Variants in DMD observed in about 807,000 individuals in gnomAD.
DMD encodes the protein mutant dystrophin.
DMD carries 63 observed loss-of-function variants against 330.1 expected under a neutral mutation model. The ratio of observed to expected loss-of-function variants is 0.19; its 90% CI spans 0.16 to 0.24. The LOEUF is 0.24. Among genes scored for constraint, DMD ranks in the 10% least tolerant of loss-of-function variants. The probability of loss-of-function intolerance (pLI) is 1.00; values close to 1 mark genes in which losing one functional copy is unlikely to be tolerated. For missense variants in DMD, 3,344 were observed against 2,684.1 expected (o/e 1.25, Z -5.43); for synonymous variants, 1,223 against 959.8 (o/e 1.27, Z -5.07).
chrX:32,668,158 A>C (rs183930909), intron 9 of DMD, among the ~76,000 whole-genome samples: 1,156 of 111,188 alleles, frequency 0.01, 14 homozygotes, highest in African/African-American at 0.037. Context: ...GGGAAAAAAA[A>C]AAAAGTACAC....
At chrX:32,647,221 T>C (rs910572790) in intron 9 of DMD, among the ~76,000 whole-genome samples, 2 of 111,575 alleles carry the variant, frequency 1.8e-5, no homozygotes, top group Admixed American at 9.5e-5. Context: ...AGAAGTGAAG[T>C]CCTATGTGCA....
rs1214655002 is a variant in DMD, at chrX:32,484,928, G to C, written c.2794C>G (p.Leu932Val). 1 of 1,210,974 alleles carries C rather than the reference G, an allele frequency of 8.3e-7. No individual in the cohort carries two copies. The highest frequency in any genetic ancestry group is 1.1e-6 in the Non-Finnish European group (1 of 895,056). The change falls in exon 21 of 79, where the codon CTA becomes GTA. Residue 932 changes from leucine (L) to valine (V), a missense_variant. By Grantham distance (32) the Leu-to-Val change is conservative (BLOSUM62 1). Transcript: ENST00000357033. ...TAGGCTTTTTACTTACTTGTCTGTA[G>C]CTCTTTCTCTCTGGCCTGCACATCA... The part of the protein sequence containing the change: ...FSDVQAREKE[L>V]QTIFDTLPPM...
intron 27 of DMD, among the ~76,000 whole-genome samples, chrX:32,443,152 G>A (rs1234379006): frequency 1.8e-5 from 2 of 110,475 alleles, no homozygotes; most frequent in African/African-American, 6.6e-5. Flanking sequence ...ACTACCACCT[G>A]CCCCCGCCTC....
intron 51 of DMD, among the ~76,000 whole-genome samples, chrX:31,763,291 C>T (rs1253722904): frequency 1.8e-5 from 2 of 112,564 alleles, no homozygotes; most frequent in East Asian, 2.8e-4. Flanking sequence ...CAGCCGGGCA[C>T]GGTGGCTCAC....
intron 54 of DMD, among the ~76,000 whole-genome samples, chrX:31,628,475 GAAACTATCATTTTGTGC>G (rs2078967460): frequency 9.0e-6 from 1 of 111,633 alleles, no homozygotes; most frequent in Non-Finnish European, 1.9e-5. Context: ...ACATTTCATA[GAAACTATCATTTTGTGC>G]AAACTATCAT....
chrX:32,999,595 G>C (rs1410506122), intron 2 of DMD, among the ~76,000 whole-genome samples: 2 of 110,638 alleles, frequency 1.8e-5, no homozygotes, highest in Non-Finnish European at 3.8e-5. Context: ...GGCTAACATG[G>C]TGAAACCCCG....
At chrX:32,856,275 A>C (rs1954559559) in intron 2 of DMD, among the ~76,000 whole-genome samples, 1 of 111,970 alleles carries the variant, frequency 8.9e-6, no homozygotes, top group Non-Finnish European at 1.9e-5. Flanking sequence ...CTGAAAACAG[A>C]ACTACCATAT....
At chrX:33,251,833 AT>A (rs2052777460) in intron 1 of DMD, among the ~76,000 whole-genome samples, 1 of 112,145 alleles carries the variant, frequency 8.9e-6, no homozygotes, top group African/African-American at 3.2e-5. Flanking sequence ...AGTGAAATAA[AT>A]AAATAAGGAA....
chrX:32,759,661 CTTA>C (rs1302306929), intron 7 of DMD, among the ~76,000 whole-genome samples: 1 of 111,748 alleles, frequency 8.9e-6, no homozygotes, highest in Non-Finnish European at 1.9e-5. Context: ...TAGCAATTTT[CTTA>C]TTATTTTATA....
intron 60 of DMD, among the ~76,000 whole-genome samples, chrX:31,437,343 T>C (rs770934520): frequency 9.0e-6 from 1 of 111,710 alleles, no homozygotes; most frequent in East Asian, 2.8e-4. Context: ...CTATCATCTG[T>C]AGTTTGGGAA....
At chrX:31,566,420 G>GT (rs2075466086) in intron 55 of DMD, among the ~76,000 whole-genome samples, 2 of 111,534 alleles carry the variant, frequency 1.8e-5, no homozygotes, top group Middle Eastern at 4.6e-3. Context: ...GCATGGGTCT[G>GT]TTTTTGGGTT....
chrX:31,753,664 G>C (rs775782246), intron 51 of DMD, among the ~76,000 whole-genome samples: 1 of 111,512 alleles, frequency 9.0e-6, no homozygotes, highest in Non-Finnish European at 1.9e-5. Context: ...TATTCTTTCT[G>C]ATGATTCTGA....
At chrX:32,381,326 T>C (rs1443411267) in intron 33 of DMD, among the ~76,000 whole-genome samples, 1 of 111,376 alleles carries the variant, frequency 9.0e-6, no homozygotes, top group East Asian at 2.8e-4. Context: ...GAAAAACTAA[T>C]TACTTGATCC....
chrX:31,545,660 C>T lies in DMD; in HGVS notation c.8218-38207G>A, dbSNP rs191535155. Among the ~76,000 whole-genome samples the T allele has an allele frequency of 5.3e-3, 592 of 111,992 alleles. 6 individuals carry two copies. Among genetic ancestry groups the T allele is most frequent in the African/African-American group, 0.018 (558 of 30,863 alleles). The stretch of plus-strand genomic sequence containing the variant: ...GTGATTTCTAACAAGGATTTGTCAG[C>T]CTTTGACTGCTCTGGACTTTACCAG... On this transcript the variant is annotated intron_variant, in intron 55 of 78. Coordinates refer to ENST00000357033, the MANE Select transcript of DMD (RefSeq NM_004006.3).
At chrX:31,414,818 GCA>G (rs377360103) in intron 60 of DMD, among the ~76,000 whole-genome samples, 1 of 111,037 alleles carries the variant, frequency 9.0e-6, no homozygotes, top group African/African-American at 3.3e-5. Flanking sequence ...AAGCAGGCAT[GCA>G]CACACACACA....
intron 41 of DMD, among the ~76,000 whole-genome samples, chrX:32,334,229 G>C (rs919931326): frequency 5.4e-5 from 6 of 111,533 alleles, no homozygotes; most frequent in African/African-American, 1.6e-4. Context: ...GCTGAGAGGA[G>C]AAAAATTCTA....
At chrX:31,601,587 T>C (rs2077370756) in intron 55 of DMD, among the ~76,000 whole-genome samples, 1 of 111,553 alleles carries the variant, frequency 9.0e-6, no homozygotes, top group Non-Finnish European at 1.9e-5. Context: ...ACATTACAAA[T>C]CTCCTTTGTC....
intron 55 of DMD, among the ~76,000 whole-genome samples, chrX:31,566,944 T>C (rs747879613): frequency 9.0e-6 from 1 of 111,687 alleles, no homozygotes; most frequent in Non-Finnish European, 1.9e-5. Context: ...GCTTGCCTTA[T>C]GATTTTTTGA....
intron 1 of DMD, among the ~76,000 whole-genome samples, chrX:33,188,431 T>G (rs2050367632): frequency 9.0e-6 from 1 of 110,783 alleles, no homozygotes; most frequent in Admixed American, 9.8e-5. Context: ...TACCAGTTGC[T>G]ATTGTACTTC....
Sources: allele counts gnomAD v4.1 joint callset (sites outside exome capture counted in the v4.1 genomes callset), GRCh38; gene constraint gnomAD v4.1.1; transcripts MANE v1.5; gene names NCBI Gene and HGNC (gene_info 2026-07-23, HGNC 2026-07-21).